Variants in ALPK2 observed in about 807,000 individuals in gnomAD.
ALPK2 encodes the protein alpha kinase 2, also known as alpha-protein kinase 2.
Under a neutral mutation model 163.1 loss-of-function variants are expected in ALPK2, and 127 were observed. The observed-to-expected ratio is 0.78, with a 90% confidence interval of 0.67 to 0.90. The LOEUF (loss-of-function observed/expected upper bound fraction) is 0.90. Among genes scored for constraint, ALPK2 ranks in the 40% least tolerant of loss-of-function variants. The pLI, the probability that ALPK2 is intolerant of heterozygous loss-of-function variation, is 0.00. For synonymous variants in ALPK2, 953 were observed against 959.1 expected (o/e 0.99, Z 0.12); for missense variants, 2,360 against 2,589.6 (o/e 0.91, Z 1.92).
chr18:58,514,797 TATAATATTATTATATTATA>T (rs1568071450), intron 10 of ALPK2, among the ~76,000 whole-genome samples, 177 bp downstream of exon 10: 1 of 149,046 alleles, frequency 6.7e-6, no homozygotes, highest in East Asian at 1.9e-4. Context: ...AAATATTAAA[TATAATATTATTATATTATA>T]TAATATTAAA....
At chr18:58,484,592 A>C (rs748544758) in intron 12 of ALPK2, among the ~76,000 whole-genome samples, 6 of 152,114 alleles carry the variant, frequency 3.9e-5, no homozygotes, top group Non-Finnish European at 8.8e-5. Context: ...AAAAATACAA[A>C]AATTAGCTGG....
chr18:58,604,540 G>A (rs1464084697), intron 3 of ALPK2, among the ~76,000 whole-genome samples: 1 of 152,174 alleles, frequency 6.6e-6, no homozygotes, highest in African/African-American at 2.4e-5. Flanking sequence ...ATACTAACGG[G>A]CAGCTAGAAT....
At position 58,543,263 on chromosome 18, in the gene ALPK2, T is replaced by C. The variant is rs375537569; in HGVS notation, c.1963-5039A>G. Reference sequence around the variant, plus strand: ...TGGGACTTCTCAGTCTCCAGAGCTGTAAGAAATACATTTCTTTTCTTTATA... The same window carrying C: ...TGGGACTTCTCAGTCTCCAGAGCTGCAAGAAATACATTTCTTTTCTTTATA... On this transcript the variant is annotated intron_variant, in intron 4 of 12. Coordinates refer to ENST00000361673, the MANE Select transcript of ALPK2 (RefSeq NM_052947.4). The C allele has an allele frequency of 4.1e-6, 3 of 738,816 alleles. No homozygotes were observed. In the South Asian group the frequency reaches 1.8e-4, roughly 45 times the overall value. The allele number at this position is 738,816 out of a possible 1,614,324, so 45.8% of individuals were successfully genotyped here. A position where few individuals can be genotyped will look rare whatever the true frequency, so the allele number is the denominator to read the frequency against.
At chr18:58,511,174 A>G (rs1377999239) in intron 10 of ALPK2, among the ~76,000 whole-genome samples, 2 of 152,112 alleles carry the variant, frequency 1.3e-5, no homozygotes, top group Admixed American at 1.3e-4. Flanking sequence ...TTCTGTTTAT[A>G]TGCTGGATTA....
At chr18:58,533,031 C>A (rs1226083406) in intron 5 of ALPK2, among the ~76,000 whole-genome samples, 8 of 152,202 alleles carry the variant, frequency 5.3e-5, no homozygotes, top group Non-Finnish European at 4.4e-5. Context: ...CTTCAGTGGT[C>A]TGGCCTGGAA....
rs777060616 is a variant in ALPK2, at chr18:58,498,073, A to G, written c.6272T>C (p.Val2091Ala). Residue 2091 changes from valine to alanine, a missense_variant, in exon 12 of 13, where the codon GTT (valine) becomes GCT (alanine). Transcript: ENST00000361673. ...CCCTTTAGCCAGCGTTGCTATGCCAACGTCAGTTAGCTTCATTCCTACACC... is the reference window on the plus strand; with the variant it reads ...CCCTTTAGCCAGCGTTGCTATGCCAGCGTCAGTTAGCTTCATTCCTACACC... ...MQGVGMKLTD[V>A]GIATLAKGYK... The G allele has an allele frequency of 4.6e-5, 74 of 1,614,050 alleles. No individual in the cohort carries two copies. In the East Asian group the frequency reaches 1.2e-3, roughly 25 times the overall value.
In ALPK2 at chr18:58,536,762, A is replaced by C; in HGVS notation, c.3425T>G (p.Leu1142Arg). 6.2e-7 allele frequency: 1 copy of C among 1,614,186 alleles called. No homozygotes were observed. The highest frequency in any genetic ancestry group is 8.5e-7 in the Non-Finnish European group (1 of 1,180,032). The change falls in exon 5 of 13, where the codon CTG becomes CGG. Residue 1142 changes from leucine (L) to arginine (R), a missense_variant. Physicochemically the swap from Leu to Arg is moderately radical, Grantham distance 102. Coordinates refer to ENST00000361673, the MANE Select transcript of ALPK2 (RefSeq NM_052947.4). ...TGCAGAAAGAGAACCCTGCTGGGAC[A>C]GGCTCTGCTGCTGGACCCCCTGCTT... ...ETKQGVQQQS[L>R]SQQGSLSAPD...
intron 8 of ALPK2, 107 bp from the exon 9 acceptor site, chr18:58,517,289 T>G (rs973154148): frequency 8.4e-7 from 1 of 1,189,034 alleles, no homozygotes; most frequent in African/African-American, 1.5e-5. Flanking sequence ...AAGGCTGACC[T>G]GCAGAACCAA....
chr18:58,624,454 T>C (rs924900153), intron 1 of ALPK2, among the ~76,000 whole-genome samples: 7 of 151,672 alleles, frequency 4.6e-5, no homozygotes, highest in African/African-American at 1.2e-4. Flanking sequence ...TCTTTCTTTT[T>C]TTTTTTTTTT....
chr18:58,539,777 G>A (rs1047956114), intron 4 of ALPK2, among the ~76,000 whole-genome samples: 3 of 152,278 alleles, frequency 2.0e-5, no homozygotes, highest in African/African-American at 7.2e-5. Flanking sequence ...ATACATGACA[G>A]TCAGTCTTAC....
At chr18:58,557,706 AT>A (rs2051801873) in intron 4 of ALPK2, among the ~76,000 whole-genome samples, 2 of 138,454 alleles carry the variant, frequency 1.4e-5, no homozygotes, top group African/African-American at 6.0e-5. Context: ...ATATATTTAT[AT>A]TTTGTCATTG....
rs1602235420 is a variant in ALPK2 at position 58,600,146 on chromosome 18, C to T, written c.227+7176G>A. On this transcript the variant is annotated intron_variant, in intron 3 of 12. Transcript: ENST00000361673. ...CCGCCTCCCGGGTTCAAGTGATTCT[C>T]ATGCCTCAGCCTCCCGAGTAGCTGG... Among the ~76,000 whole-genome samples the T allele has an allele frequency of 2.1e-5, 3 of 143,038 alleles. No homozygotes were observed. In the Admixed American group the frequency reaches 2.2e-4, roughly 11 times the overall value. The allele number at this position is 143,038 out of a possible 152,430, so 93.8% of individuals were successfully genotyped here.
chr18:58,589,302 A>G (rs1005689156), intron 3 of ALPK2, among the ~76,000 whole-genome samples: 1 of 152,212 alleles, frequency 6.6e-6, no homozygotes, highest in African/African-American at 2.4e-5. Context: ...AATGCTTAAT[A>G]CATGGGCCTA....
At chr18:58,492,269 C>A (rs139344227) in intron 12 of ALPK2, among the ~76,000 whole-genome samples, 1 of 152,126 alleles carries the variant, frequency 6.6e-6, no homozygotes, top group East Asian at 1.9e-4. Context: ...CAAAGACACG[C>A]ACACAGACAT....
chr18:58,580,086 A>T lies in ALPK2; in HGVS notation c.690T>A (p.Cys230Ter). ...SSHIYEKQDR[C>*]CHKTVHSMAS... ...CCATGGAATGCACTGTCTTGTGGCAACATCTGTCTTGTTTTTCATAAATAT... is the reference window on the plus strand; with the variant it reads ...CCATGGAATGCACTGTCTTGTGGCATCATCTGTCTTGTTTTTCATAAATAT... Residue 230 changes from cysteine (C) to a stop codon, truncating the protein, a stop_gained, in exon 4 of 13, where the codon TGT (cysteine) becomes TGA (stop). Transcript: ENST00000361673. LOFTEE classifies it high-confidence loss of function. 3 of 1,614,274 alleles carry T rather than the reference A, an allele frequency of 1.9e-6. No homozygotes were observed. Among genetic ancestry groups the T allele is most frequent in the Non-Finnish European group, 2.5e-6 (3 of 1,180,052 alleles).
At chr18:58,598,501 T>C (rs1031008382) in intron 3 of ALPK2, among the ~76,000 whole-genome samples, 11 of 152,148 alleles carry the variant, frequency 7.2e-5, no homozygotes, top group Non-Finnish European at 1.3e-4. Flanking sequence ...CAGGGAGGCC[T>C]TGGGGCTGTC....
At position 58,579,954 on chromosome 18, in the gene ALPK2, G is replaced by A. The variant is rs1429548765; in HGVS notation, c.822C>T (p.Leu274=). Residue 274 remains leucine (L), a synonymous_variant, in exon 4 of 13, where the codon CTC becomes CTT. Coordinates refer to ENST00000361673, the MANE Select transcript of ALPK2 (RefSeq NM_052947.4). The stretch of plus-strand genomic sequence containing the variant: ...TGTGTGCAGTTGCCTCAGATAGCGG[G>A]AGGCTGAAGCTAATGTATTTCTGTA... ...PKVQKYISFS[L]PLSEATAHIY... 1 of 1,614,094 alleles carries A rather than the reference G, an allele frequency of 6.2e-7. No individual in the cohort carries two copies. The highest frequency in any genetic ancestry group is 8.5e-7 in the Non-Finnish European group (1 of 1,180,050).
At chr18:58,489,682 A>G (rs2051362070) in intron 12 of ALPK2, among the ~76,000 whole-genome samples, 1 of 152,086 alleles carries the variant, frequency 6.6e-6, no homozygotes, top group South Asian at 2.1e-4. Context: ...GAAAGGCCCT[A>G]TCTCAAAACA....
At chr18:58,604,231 G>C (rs1483827381) in intron 3 of ALPK2, among the ~76,000 whole-genome samples, 1 of 152,188 alleles carries the variant, frequency 6.6e-6, no homozygotes, top group Admixed American at 6.5e-5. Context: ...GTGAAGAAAA[G>C]TACTTTTCTT....
Sources: allele counts gnomAD v4.1 joint callset (sites outside exome capture counted in the v4.1 genomes callset), GRCh38; gene constraint gnomAD v4.1.1; transcripts MANE v1.5; gene names NCBI Gene and HGNC (gene_info 2026-07-23, HGNC 2026-07-21).